CSMD1: variants seen among roughly 807,000 people sequenced by gnomAD.
The protein encoded by CSMD1 is CUB and Sushi multiple domains 1.
CSMD1 carries 213 observed loss-of-function variants against 417.5 expected under a neutral mutation model. The observed-to-expected ratio is 0.51, with a 90% CI of 0.46 to 0.57. The LOEUF (loss-of-function observed/expected upper bound fraction) is 0.57. Among genes scored for constraint, CSMD1 ranks in the 20% least tolerant of loss-of-function variants. The probability of loss-of-function intolerance (pLI) is 0.00; values close to 1 mark genes in which losing one functional copy is unlikely to be tolerated. For synonymous variants in CSMD1, 2,862 were observed against 1,736.8 expected, an observed-to-expected ratio of 1.65 and a Z score of -16.11; for missense variants, 6,923 against 4,529.7, an observed-to-expected ratio of 1.53 and a Z score of -15.17.
In CSMD1 at chr8:4,652,195, G is replaced by A. The variant is rs546628724; in HGVS notation, c.86-14637C>T. On this transcript the variant is annotated intron_variant, in intron 1 of 69. Transcript: ENST00000635120. ...AAGCATTGAGGGATTGCATTAAATA[G>A]GAGTCTTCAAAAGAACCATAAAAAT... Among the ~76,000 whole-genome samples the A allele has an allele frequency of 5.9e-5, 9 of 152,246 alleles. No individual in the cohort carries two copies. In the South Asian group the frequency reaches 1.9e-3, roughly 32 times the overall value.
At chr8:4,434,267 G>A (rs958322391) in intron 2 of CSMD1, among the ~76,000 whole-genome samples, 7 of 152,194 alleles carry the variant, frequency 4.6e-5, no homozygotes, top group African/African-American at 1.7e-4. Context: ...TCAGGAGGCT[G>A]AGGCAAGAGA....
chr8:4,085,040 A>G (rs111818154), intron 3 of CSMD1, among the ~76,000 whole-genome samples: 3 of 152,196 alleles, frequency 2.0e-5, no homozygotes, highest in Non-Finnish European at 4.4e-5. Context: ...CACAAATTCT[A>G]AAGTTCATAA....
At chr8:4,037,279 G>A (rs936473411) in intron 3 of CSMD1, among the ~76,000 whole-genome samples, 3 of 152,096 alleles carry the variant, frequency 2.0e-5, no homozygotes, top group African/African-American at 7.2e-5. Context: ...TAACCTGTGG[G>A]AAAATTGGTC....
intron 5 of CSMD1, among the ~76,000 whole-genome samples, chr8:3,974,050 T>G (rs371338574): frequency 1.3e-5 from 2 of 152,180 alleles, no homozygotes; most frequent in African/African-American, 2.4e-5. Context: ...TATCATTGAC[T>G]ATAGTCTCCT....
intron 2 of CSMD1, among the ~76,000 whole-genome samples, chr8:4,426,132 T>G (rs1180677740): frequency 6.6e-6 from 1 of 151,362 alleles, no homozygotes; most frequent in African/African-American, 2.4e-5. Context: ...ACAGAGAGAC[T>G]GACATTAATT....
At chr8:3,884,266 C>G (rs1806404417) in intron 5 of CSMD1, among the ~76,000 whole-genome samples, 1 of 152,136 alleles carries the variant, frequency 6.6e-6, no homozygotes. Context: ...AACCTGTCTT[C>G]AACTTAACAT....
intron 10 of CSMD1, among the ~76,000 whole-genome samples, chr8:3,525,046 C>T (rs1282961318): frequency 3.3e-5 from 5 of 152,264 alleles, no homozygotes; most frequent in Admixed American, 6.5e-5. Flanking sequence ...CTTGGTCCAA[C>T]GCCGAATAAA....
chr8:3,521,359 C>T (rs1461350670), intron 10 of CSMD1, among the ~76,000 whole-genome samples: 2 of 152,226 alleles, frequency 1.3e-5, no homozygotes, highest in South Asian at 2.1e-4. Flanking sequence ...TGGCCCTTCT[C>T]CCATGATGTC....
intron 2 of CSMD1, among the ~76,000 whole-genome samples, chr8:4,487,665 T>C (rs1037879849): frequency 3.3e-5 from 5 of 152,208 alleles, no homozygotes; most frequent in Non-Finnish European, 7.3e-5. Context: ...AAAAAAGGAT[T>C]TTTCTGTAAA....
chr8:3,873,295 A>G (rs1054820242), intron 5 of CSMD1, among the ~76,000 whole-genome samples: 2 of 152,192 alleles, frequency 1.3e-5, no homozygotes, highest in Non-Finnish European at 2.9e-5. Context: ...AAAGACATGG[A>G]ATCAACCTAA....
At chr8:4,253,326 C>G (rs564474524) in intron 3 of CSMD1, among the ~76,000 whole-genome samples, 6 of 152,184 alleles carry the variant, frequency 3.9e-5, no homozygotes, top group African/African-American at 1.4e-4. Context: ...TCTTTTTTCC[C>G]CTACTATAGA....
At chr8:3,234,464 C>G (rs1200853222) in intron 26 of CSMD1, among the ~76,000 whole-genome samples, 1 of 152,070 alleles carries the variant, frequency 6.6e-6, no homozygotes, top group Non-Finnish European at 1.5e-5. Context: ...AGGGGAATCT[C>G]ACTTGAAAAC....
intron 36 of CSMD1, among the ~76,000 whole-genome samples, chr8:3,185,159 C>T (rs904622122): frequency 6.6e-6 from 1 of 152,222 alleles, no homozygotes; most frequent in Admixed American, 6.5e-5. Flanking sequence ...TTGCAGCTGA[C>T]GTCAGAGGGG....
At chr8:4,740,905 T>G (rs143048495) in intron 1 of CSMD1, among the ~76,000 whole-genome samples, 3 of 152,200 alleles carry the variant, frequency 2.0e-5, no homozygotes, top group Non-Finnish European at 4.4e-5. Flanking sequence ...ACAGCTAACT[T>G]TCCTGACTTT....
At chr8:4,241,359 G>C (rs183498649) in intron 3 of CSMD1, among the ~76,000 whole-genome samples, 3 of 152,192 alleles carry the variant, frequency 2.0e-5, no homozygotes, top group Admixed American at 6.5e-5. Context: ...TCTCACCTTC[G>C]AGTAGCAGGT....
chr8:3,896,335 C>G (rs1048972098), intron 5 of CSMD1, among the ~76,000 whole-genome samples: 2 of 152,146 alleles, frequency 1.3e-5, no homozygotes, highest in Admixed American at 1.3e-4. Flanking sequence ...TCCATATACT[C>G]ACTTTGCTGA....
At chr8:4,566,949 A>G (rs4875360) in intron 2 of CSMD1, among the ~76,000 whole-genome samples, 24,753 of 152,212 alleles carry the variant, frequency 0.16, 2,343 homozygotes, top group Non-Finnish European at 0.21. Flanking sequence ...AACTCTAGCA[A>G]TCGAGACTTT....
intron 3 of CSMD1, among the ~76,000 whole-genome samples, chr8:4,344,251 C>A (rs1167309583): frequency 2.6e-5 from 4 of 152,136 alleles, no homozygotes; most frequent in African/African-American, 9.7e-5. Flanking sequence ...ACACAATCAT[C>A]TTTACACGTG....
intron 6 of CSMD1, among the ~76,000 whole-genome samples, chr8:3,715,063 C>G (rs1055132061): frequency 5.9e-5 from 9 of 152,214 alleles, no homozygotes; most frequent in South Asian, 4.1e-4. Flanking sequence ...ATCCCCTTCC[C>G]CTCCAAATTT....
Sources: allele counts gnomAD v4.1 joint callset (sites outside exome capture counted in the v4.1 genomes callset), GRCh38; gene constraint gnomAD v4.1.1; transcripts MANE v1.5; gene names NCBI Gene and HGNC (gene_info 2026-07-23, HGNC 2026-07-21).